The following MAPK8 variants were observed in gnomAD, a reference collection of about 807,000 sequenced individuals.
MAPK8 encodes the protein JUN N-terminal kinase.
In MAPK8, 13 loss-of-function variants were observed where a neutral mutation model predicts 52.9. The observed-to-expected ratio is 0.25, with a 90% CI of 0.16 to 0.39. The LOEUF (loss-of-function observed/expected upper bound fraction) is 0.39. MAPK8 is among the 10% of genes least tolerant of loss of function. The probability of loss-of-function intolerance (pLI) is 1.00; values close to 1 mark genes in which losing one functional copy is unlikely to be tolerated. For missense variants in MAPK8, 300 were observed against 519.2 expected, an observed-to-expected ratio of 0.58 and a Z score of 4.10; for synonymous variants, 191 against 169.8, an observed-to-expected ratio of 1.12 and a Z score of -0.97.
intron 1 of MAPK8, among the ~76,000 whole-genome samples, chr10:48,327,923 A>G (rs998539167): frequency 2.0e-5 from 3 of 152,216 alleles, no homozygotes; most frequent in Non-Finnish European, 4.4e-5. Flanking sequence ...AGTTGTTCAT[A>G]GTATTCCTTT....
intron 1 of MAPK8, among the ~76,000 whole-genome samples, chr10:48,386,881 T>C (rs1462926751): frequency 6.6e-6 from 1 of 152,208 alleles, no homozygotes; most frequent in Non-Finnish European, 1.5e-5. Context: ...TTGAGATCTT[T>C]AATAAATAAC....
intron 1 of MAPK8, among the ~76,000 whole-genome samples, chr10:48,370,118 G>A (rs1293581030): frequency 1.3e-5 from 2 of 152,080 alleles, no homozygotes; most frequent in Admixed American, 6.6e-5. Flanking sequence ...GATTCTTCAG[G>A]GCACTATTAC....
chr10:48,425,224 G>A (rs769267678), intron 7 of MAPK8: 2 of 760,190 alleles, frequency 2.6e-6, no homozygotes, highest in South Asian at 2.8e-5. Context: ...CAATAAGTGA[G>A]TTTTAGGCCT....
intron 1 of MAPK8, 41 bp from the exon 2 acceptor site, chr10:48,401,571 A>G: frequency 7.1e-7 from 1 of 1,410,168 alleles, no homozygotes; most frequent in South Asian, 1.2e-5. Context: ...AGATTAAAAC[A>G]AGTTCATTTT....
intron 1 of MAPK8, among the ~76,000 whole-genome samples, chr10:48,346,459 T>C (rs1845791116): frequency 6.6e-6 from 1 of 152,232 alleles, no homozygotes; most frequent in Non-Finnish European, 1.5e-5. Context: ...CGCCAGCGTC[T>C]GGGAAGACGC....
chr10:48,394,537 G>A (rs750906890), intron 1 of MAPK8, among the ~76,000 whole-genome samples: 57 of 151,956 alleles, frequency 3.8e-4, no homozygotes, highest in Non-Finnish European at 6.9e-4. Flanking sequence ...AACAGAATTA[G>A]TACCATTAAT....
At chr10:48,414,548 G>A (rs1056079841) in intron 5 of MAPK8, among the ~76,000 whole-genome samples, 1 of 146,980 alleles carries the variant, frequency 6.8e-6, no homozygotes, top group Non-Finnish European at 1.5e-5. Flanking sequence ...TGAACTCCTG[G>A]GTTCAATAGG....
At chr10:48,396,454 G>A (rs147496582) in intron 1 of MAPK8, among the ~76,000 whole-genome samples, 7 of 152,164 alleles carry the variant, frequency 4.6e-5, no homozygotes, top group Non-Finnish European at 8.8e-5. Context: ...CGAAGAGTTG[G>A]TAAGAATGTA....
chr10:48,399,410 G>A lies in MAPK8; in HGVS notation c.-49-2202G>A, dbSNP rs2042046929. On this transcript the variant is annotated intron_variant, in intron 1 of 11. Coordinates refer to ENST00000374189, the MANE Select transcript of MAPK8 (RefSeq NM_001323329.2). ...GCCAAGGGTACTACTAGCTGGGGCT[G>A]CCTGCTTAACCTTGGAGCCTGTCTG... Among the ~76,000 whole-genome samples, 5 of 152,318 alleles carry A rather than the reference G, an allele frequency of 3.3e-5. No individual in the cohort carries two copies. The South Asian group carries it at 1.0e-3, about 32-fold the overall frequency.
intron 1 of MAPK8, among the ~76,000 whole-genome samples, chr10:48,322,544 G>A (rs541296479): frequency 1.3e-5 from 2 of 152,196 alleles, no homozygotes; most frequent in African/African-American, 2.4e-5. Flanking sequence ...CGGAGTCTAC[G>A]AAGGCTGGTC....
At position 48,435,956 on chromosome 10, in the gene MAPK8, T is replaced by C. The variant is rs2044820787; in HGVS notation, c.*927T>C. 1 of 152,256 alleles carries C rather than the reference T, an allele frequency of 6.6e-6. No homozygotes were observed. The highest frequency in any genetic ancestry group is 1.5e-5 in the Non-Finnish European group (1 of 68,048). The allele number at this position is 152,256 out of a possible 1,614,324, so 9.4% of individuals were successfully genotyped here. On this transcript the variant is annotated 3_prime_UTR_variant, in exon 12 of 12. Transcript: ENST00000374189. ...GTCCCAGCAATGTTCTAGAGTCTGG[T>C]CTTTCCCTTTCCTGCAGCTTCGGGT...
chr10:48,426,974 A>G, intron 9 of MAPK8, 106 bp from the exon 10 acceptor site: 1 of 766,586 alleles, frequency 1.3e-6, no homozygotes, highest in African/African-American at 1.7e-5. Flanking sequence ...TCTTGATCTA[A>G]TGATATATTT....
chr10:48,419,289 C>T (rs1338545922), intron 5 of MAPK8, among the ~76,000 whole-genome samples: 1 of 152,122 alleles, frequency 6.6e-6, no homozygotes, highest in African/African-American at 2.4e-5. Context: ...AATATGTATA[C>T]TGCATGTCAG....
chr10:48,420,211 C>T lies in MAPK8; in HGVS notation c.507C>T (p.Asp169=). The T allele has an allele frequency of 6.2e-7, 1 of 1,613,838 alleles. No individual in the cohort carries two copies. The highest frequency in any genetic ancestry group is 8.5e-7 in the Non-Finnish European group (1 of 1,179,782). ...VKSDCTLKIL[D]FGLARTAGTS... ...CTGATTGCACTTTGAAGATTCTTGA[C>T]TTCGGTCTGGCCAGGACTGCAGGAA... The change falls in exon 6 of 12, where the codon GAC becomes GAT. Residue 169 remains aspartate, a synonymous_variant. Coordinates refer to ENST00000374189, the MANE Select transcript of MAPK8 (RefSeq NM_001323329.2).
At chr10:48,317,528 C>G (rs1304276739) in intron 1 of MAPK8, among the ~76,000 whole-genome samples, 1 of 152,036 alleles carries the variant, frequency 6.6e-6, no homozygotes, top group Non-Finnish European at 1.5e-5. Context: ...GTGCAGACCA[C>G]TCTTTTAAGA....
chr10:48,369,040 T>C (rs1160782548), intron 1 of MAPK8, among the ~76,000 whole-genome samples: 1 of 152,208 alleles, frequency 6.6e-6, no homozygotes. Flanking sequence ...GGCAGGGTCA[T>C]GTAGCATAAA....
At chr10:48,339,763 CAAA>C (rs1054692414) in intron 1 of MAPK8, among the ~76,000 whole-genome samples, 36 of 152,216 alleles carry the variant, frequency 2.4e-4, no homozygotes, top group African/African-American at 6.5e-4. Flanking sequence ...CAGACCTTCT[CAAA>C]AGAAGACATA....
At chr10:48,326,082 A>G (rs1843491524) in intron 1 of MAPK8, 2 of 152,286 alleles carry the variant, frequency 1.3e-5, no homozygotes, top group South Asian at 2.1e-4. Context: ...TTCATACTGT[A>G]ATACTGGGGA....
chr10:48,324,502 A>ATTTTTTTTTTT (rs1554810394), intron 1 of MAPK8, among the ~76,000 whole-genome samples: 10 of 54,350 alleles, frequency 1.8e-4, no homozygotes, highest in African/African-American at 1.5e-3. Context: ...CCTGTTTTCT[A>ATTTTTTTTTTT]GTTTTTTTTT....
Sources: gnomAD v4.1 joint callset for allele counts (sites outside exome capture counted in the v4.1 genomes callset) on GRCh38, gnomAD v4.1.1 for gene constraint, MANE v1.5 for transcripts, NCBI Gene and HGNC (gene_info 2026-07-23, HGNC 2026-07-21) for gene names.